Variants in ANO1 observed in about 807,000 individuals in gnomAD.
ANO1 encodes anoctamin 1.
In ANO1, 59 loss-of-function variants were observed where a neutral mutation model predicts 124.0. The ratio of observed to expected loss-of-function variants is 0.48; its 90% confidence interval spans 0.39 to 0.59. The LOEUF is 0.59. Ranked by LOEUF, ANO1 falls within the 20% of genes least tolerant of loss-of-function variation. The probability of loss-of-function intolerance (pLI) is 0.00; values close to 1 mark genes in which losing one functional copy is unlikely to be tolerated. For synonymous variants in ANO1, 529 were observed against 532.0 expected, an observed-to-expected ratio of 0.99 and a Z score of 0.08; for missense variants, 1,059 against 1,328.0, an observed-to-expected ratio of 0.80 and a Z score of 3.15.
intron 11 of ANO1, among the ~76,000 whole-genome samples, chr11:70,140,206 C>T (rs12221526): frequency 0.23 from 35,091 of 152,102 alleles, 4,784 homozygotes; most frequent in East Asian, 0.43. Context: ...GGTGAGTCCA[C>T]AGTCTAAAGT....
chr11:69,976,772 G>A, the ANO1 span, among the ~76,000 whole-genome samples: 2 of 152,202 alleles, frequency 1.3e-5, no homozygotes, highest in Non-Finnish European at 2.9e-5. Context: ...AGCTGGATAA[G>A]AGGAATGCAG....
chr11:69,969,719 C>T, the ANO1 span, among the ~76,000 whole-genome samples: 6 of 152,088 alleles, frequency 3.9e-5, no homozygotes, highest in African/African-American at 2.4e-5. Context: ...GAGGCCGAGG[C>T]GGGTGGATCA....
At chr11:70,139,351 C>T (rs7935147) in intron 11 of ANO1, among the ~76,000 whole-genome samples, 78,242 of 150,300 alleles carry the variant, frequency 0.52, 20,782 homozygotes, top group Non-Finnish European at 0.6. Flanking sequence ...GAGACGGTGT[C>T]TCACTCTTGT....
chr11:70,022,839 AG>A (rs1264266767), intron 1 of ANO1, among the ~76,000 whole-genome samples: 11 of 152,194 alleles, frequency 7.2e-5, no homozygotes, highest in African/African-American at 2.7e-4. Context: ...GCTGACCTTG[AG>A]GCAGGGAGAT....
intron 16 of ANO1, among the ~76,000 whole-genome samples, chr11:70,160,225 C>A (rs7105955): frequency 0.48 from 73,488 of 151,926 alleles, 18,592 homozygotes; most frequent in East Asian, 0.71. Flanking sequence ...GGTGACAAGA[C>A]AGCCTGTGTC....
chr11:70,143,930 A>G (rs2135586049), intron 11 of ANO1, among the ~76,000 whole-genome samples: 1 of 152,258 alleles, frequency 6.6e-6, no homozygotes, highest in East Asian at 1.9e-4. Flanking sequence ...GTCTAATTCC[A>G]GAACATTTTC....
At chr11:70,079,492 A>G (rs960566579) in intron 1 of ANO1, among the ~76,000 whole-genome samples, 2 of 151,730 alleles carry the variant, frequency 1.3e-5, no homozygotes, top group African/African-American at 2.4e-5. Context: ...AGGTAACCCT[A>G]TGTTTTAGAG....
At position 70,142,411 on chromosome 11, in the gene ANO1, G is replaced by A. The variant is rs567137277; in HGVS notation, c.1259-7299G>A. ...GTGATCGTCTGCGGGAACTAAACTT[G>A]TTCCAGGGATAAATAGGTAGGGTGC... On this transcript the variant is annotated intron_variant, in intron 11 of 25. Transcript: ENST00000355303. Among the ~76,000 whole-genome samples the A allele has an allele frequency of 2.3e-4, 35 of 152,284 alleles. No homozygotes were observed. The South Asian group carries it at 6.8e-3, about 30-fold the overall frequency.
chr11:69,993,110 G>C (rs1171217449), intron 1 of ANO1, among the ~76,000 whole-genome samples: 1 of 152,056 alleles, frequency 6.6e-6, no homozygotes, highest in Non-Finnish European at 1.5e-5. Context: ...CACAACCCTG[G>C]GAATGCCAGC....
At chr11:70,116,531 C>T (rs377438416) in intron 8 of ANO1, 32 bp downstream of exon 8, 1 of 1,571,402 alleles carries the variant, frequency 6.4e-7, no homozygotes, top group Non-Finnish European at 8.6e-7. Flanking sequence ...GGAGGTGGCT[C>T]TGTCAGAGCC....
the ANO1 span, among the ~76,000 whole-genome samples, chr11:69,970,625 G>A: frequency 6.6e-6 from 1 of 152,242 alleles, no homozygotes; most frequent in Non-Finnish European, 1.5e-5. Context: ...TCATGATAAG[G>A]GAGGAGTTCA....
chr11:70,020,171 G>A (rs144528601), intron 1 of ANO1, among the ~76,000 whole-genome samples: 57 of 152,296 alleles, frequency 3.7e-4, no homozygotes, highest in African/African-American at 1.3e-3. Context: ...TTAGTCCATG[G>A]GGTAATGAAA....
chr11:70,159,437 G>A (rs2047956358), intron 16 of ANO1, among the ~76,000 whole-genome samples: 1 of 152,204 alleles, frequency 6.6e-6, no homozygotes, highest in Non-Finnish European at 1.5e-5. Context: ...TATTGGATAG[G>A]GAAGTAGCCG....
chr11:70,036,230 G>A (rs2135044576), intron 1 of ANO1, among the ~76,000 whole-genome samples: 1 of 152,260 alleles, frequency 6.6e-6, no homozygotes. Flanking sequence ...GACTCCAGGT[G>A]TCCCTTGGCT....
rs1360337430 is a variant in ANO1, at chr11:70,182,636, C to T, written c.2538C>T (p.Gly846=). ...TCAACGTCAGTGACTTCCAGAACGG[C>T]ACGGCCCCCAATGACCCCCTGGACC... ...SSFNVSDFQN[G]TAPNDPLDLG... Residue 846 remains glycine, a synonymous_variant, in exon 24 of 26, where the codon GGC becomes GGT. Coordinates refer to ENST00000355303, the MANE Select transcript of ANO1 (RefSeq NM_018043.7). 2 of 1,612,634 alleles carry T rather than the reference C, an allele frequency of 1.2e-6. No individual in the cohort carries two copies. Among genetic ancestry groups the T allele is most frequent in the Admixed American group, 1.7e-5 (1 of 59,860 alleles).
intron 1 of ANO1, among the ~76,000 whole-genome samples, chr11:70,010,431 G>A (rs1225699503): frequency 4.0e-5 from 6 of 151,552 alleles, no homozygotes; most frequent in African/African-American, 1.5e-4. Context: ...CCCCTAGGGA[G>A]GGCACAGATA....
chr11:70,167,925 C>G (rs2048318787), intron 21 of ANO1, among the ~76,000 whole-genome samples: 1 of 152,206 alleles, frequency 6.6e-6, no homozygotes, highest in African/African-American at 2.4e-5. Context: ...ATCTCCCCTT[C>G]CTGGTGGTGA....
intron 1 of ANO1, among the ~76,000 whole-genome samples, chr11:70,046,582 G>A (rs1857262869): frequency 6.6e-6 from 1 of 152,142 alleles, no homozygotes; most frequent in Non-Finnish European, 1.5e-5. Flanking sequence ...GAGAGAAGTG[G>A]CCAATTCCAG....
rs373037999 is a variant in ANO1 at position 70,168,402 on chromosome 11, C to T, written c.2197+1015C>T. Among the ~76,000 whole-genome samples, 676 of 152,142 alleles carry T rather than the reference C, an allele frequency of 4.4e-3. 2 individuals carry two copies. Among genetic ancestry groups the T allele is most frequent in the African/African-American group, 0.015 (638 of 41,500 alleles). On this transcript the variant is annotated intron_variant, in intron 21 of 25. Coordinates refer to ENST00000355303, the MANE Select transcript of ANO1 (RefSeq NM_018043.7). Reference sequence around the variant, plus strand: ...GTGTTTGAAAGGGGCAGCCCCTCCCCGACACGGCCACGACCCCCACCCCTC... The same window carrying T: ...GTGTTTGAAAGGGGCAGCCCCTCCCTGACACGGCCACGACCCCCACCCCTC...
Sources: allele counts gnomAD v4.1 joint callset (sites outside exome capture counted in the v4.1 genomes callset), GRCh38; gene constraint gnomAD v4.1.1; transcripts MANE v1.5; gene names NCBI Gene and HGNC (gene_info 2026-07-23, HGNC 2026-07-21).